XPO5: variants seen among roughly 807,000 people sequenced by gnomAD.
XPO5 encodes the protein exportin 5, also known as exportin-5.
XPO5 carries 46 observed loss-of-function variants against 160.6 expected under a neutral mutation model. That is an observed-to-expected ratio of 0.29 (90% CI 0.23 to 0.37). The LOEUF (loss-of-function observed/expected upper bound fraction) is 0.37, where lower values mean the gene tolerates loss of function less well. XPO5 is among the 10% of genes least tolerant of loss of function. The pLI is 1.00. For missense variants in XPO5, 1,090 were observed against 1,463.9 expected (o/e 0.74, Z 4.17); for synonymous variants, 537 against 519.3 (o/e 1.03, Z -0.46).
intron 7 of XPO5, among the ~76,000 whole-genome samples, chr6:43,566,862 T>G (rs1407847291): frequency 1.4e-5 from 2 of 144,956 alleles, no homozygotes; most frequent in Non-Finnish European, 3.0e-5. Context: ...GTAGCCACCA[T>G]CCAAGATTCC....
intron 1 of XPO5, among the ~76,000 whole-genome samples, chr6:43,574,936 T>C (rs191290967): frequency 6.6e-6 from 1 of 152,320 alleles, no homozygotes; most frequent in East Asian, 1.9e-4. Flanking sequence ...TTTTTTGAAG[T>C]TAACATCACT....
chr6:43,561,076 A>G, intron 9 of XPO5, 69 bp from the exon 10 acceptor site: 3 of 1,264,564 alleles, frequency 2.4e-6, no homozygotes, highest in Non-Finnish European at 3.4e-6. Flanking sequence ...GCAGGGAAGT[A>G]ATAAAAACAG....
intron 20 of XPO5, among the ~76,000 whole-genome samples, chr6:43,546,163 T>C (rs1794955012): frequency 6.6e-6 from 1 of 152,192 alleles, no homozygotes; most frequent in Non-Finnish European, 1.5e-5. Context: ...TCAGTATTGA[T>C]AAATTCAGAT....
Position 43,573,451 on chromosome 6 carries a change from T to C in XPO5, c.227+29A>G, listed in dbSNP as rs1251307468. 5 of 1,611,492 alleles carry C rather than the reference T, an allele frequency of 3.1e-6. No individual in the cohort carries two copies. The South Asian group carries it at 5.5e-5, about 18-fold the overall frequency. ...GATATAAAGATCTGTTCTCTCAGACTTCAGTGGTAATGTCCAAGAGCTCCT... is the reference window on the plus strand; with the variant it reads ...GATATAAAGATCTGTTCTCTCAGACCTCAGTGGTAATGTCCAAGAGCTCCT... On this transcript the variant is annotated intron_variant, in intron 2 of 31. Transcript: ENST00000265351.
chr6:43,565,566 A>G (rs1762655291), intron 8 of XPO5, 94 bp downstream of exon 8: 1 of 1,193,662 alleles, frequency 8.4e-7, no homozygotes. Flanking sequence ...TCCATCTCAA[A>G]ATAAAAAAAA....
chr6:43,536,756 T>C (rs1452631647), intron 20 of XPO5, among the ~76,000 whole-genome samples: 2 of 53,528 alleles, frequency 3.7e-5, no homozygotes, highest in Non-Finnish European at 5.6e-5. Flanking sequence ...TGAGACTCTA[T>C]CTAAAAAAAA....
chr6:43,525,729 A>G, intron 28 of XPO5, 110 bp downstream of exon 28: 7 of 1,153,786 alleles, frequency 6.1e-6, no homozygotes, highest in Non-Finnish European at 8.5e-6. Context: ...GAACTTATGT[A>G]ACAAAGGAGT....
Position 43,538,923 on chromosome 6 carries a change from A to G in XPO5, c.2343-4916T>C, listed in dbSNP as rs929286045. On this transcript the variant is annotated intron_variant, in intron 20 of 31. Coordinates refer to ENST00000265351, the MANE Select transcript of XPO5 (RefSeq NM_020750.3). ...AATTCCTGATAGGGAGACTTGGTAA[A>G]TACAGTCTCCTTCCAGAGGTCGGGG... The G allele has an allele frequency of 5.6e-6, 7 of 1,244,860 alleles. No homozygotes were observed. The African/African-American group carries it at 8.9e-5, about 16-fold the overall frequency. 77.1% of individuals were successfully genotyped at this position (1,244,860 alleles called of 1,614,324 possible).
At position 43,549,575 on chromosome 6, in the gene XPO5, G is replaced by C; in HGVS notation, c.1774C>G (p.Pro592Ala). 1 of 1,612,406 alleles carries C rather than the reference G, an allele frequency of 6.2e-7. No individual in the cohort carries two copies. Among genetic ancestry groups the C allele is most frequent in the South Asian group, 1.1e-5 (1 of 90,892 alleles). Residue 592 changes from proline to alanine, a missense_variant, in exon 17 of 32, where the codon CCC (proline) becomes GCC (alanine). Around this residue, in one of 3 missense-constraint regions of XPO5, gnomAD observed 810 missense variants for 1,139.0 expected, o/e 0.71. Coordinates refer to ENST00000265351, the MANE Select transcript of XPO5 (RefSeq NM_020750.3). Reference sequence around the variant, plus strand: ...ACATTCCTCACTGCCCGGGTTCTGGGGGCCTGAAAAGAGACATTCAACAAA... The same window carrying C: ...ACATTCCTCACTGCCCGGGTTCTGGCGGCCTGAAAAGAGACATTCAACAAA... ...TFETVEESKA[P>A]RTRAVRNVRR... is the part of the protein sequence containing the mutation.
At chr6:43,567,755 TAAA>T (rs1161783571) in intron 6 of XPO5, among the ~76,000 whole-genome samples, 1 of 150,562 alleles carries the variant, frequency 6.6e-6, no homozygotes, top group Non-Finnish European at 1.5e-5. Flanking sequence ...TAAAATAAAA[TAAA>T]AAAAATACCC....
At chr6:43,562,772 C>T (rs1193110856) in intron 8 of XPO5, among the ~76,000 whole-genome samples, 1 of 152,092 alleles carries the variant, frequency 6.6e-6, no homozygotes, top group Admixed American at 6.6e-5. Context: ...TGGTATGGCA[C>T]CCACAGCACA....
At chr6:43,525,300 T>G in intron 28 of XPO5, 86 bp from the exon 29 acceptor site, 5 of 1,331,774 alleles carry the variant, frequency 3.8e-6, no homozygotes, top group Non-Finnish European at 5.1e-6. Context: ...CCGGAGGGTT[T>G]TTTTTTTTTC....
chr6:43,530,108 T>C (rs1004761665), intron 23 of XPO5, among the ~76,000 whole-genome samples: 3 of 151,736 alleles, frequency 2.0e-5, no homozygotes, highest in African/African-American at 7.3e-5. Context: ...TACAAAAAAA[T>C]TAGCTGGGCG....
At chr6:43,538,139 C>CTTT (rs1160662301) in intron 20 of XPO5, among the ~76,000 whole-genome samples, 501 of 48,974 alleles carry the variant, frequency 0.01, 63 homozygotes, top group African/African-American at 0.033. Context: ...TAAGAGACAT[C>CTTT]TTTTTTTTTT....
At chr6:43,526,273 A>G in intron 27 of XPO5, 1 of 365,672 alleles carries the variant, frequency 2.7e-6, no homozygotes, top group East Asian at 5.1e-5. Flanking sequence ...GGGAGTTTAC[A>G]TTCTAACATG....
At position 43,575,965 on chromosome 6, in the gene XPO5, G is replaced by T; in HGVS notation, c.-101C>A. Reference sequence around the variant, plus strand: ...CCACCCGTTGGTACCGGGCCGCGGCGGGCGGCGGGGGTGGGAAGCTGGAGG... The same window carrying T: ...CCACCCGTTGGTACCGGGCCGCGGCTGGCGGCGGGGGTGGGAAGCTGGAGG... On this transcript the variant is annotated 5_prime_UTR_variant, in exon 1 of 32. Coordinates refer to ENST00000265351, the MANE Select transcript of XPO5 (RefSeq NM_020750.3). 8.4e-7 allele frequency: 1 copy of T among 1,187,248 alleles called. No homozygotes were observed. Among genetic ancestry groups the T allele is most frequent in the Non-Finnish European group, 1.2e-6 (1 of 831,594 alleles). The allele number at this position is 1,187,248 out of a possible 1,614,324, so 73.5% of individuals were successfully genotyped here.
chr6:43,570,694 T>C lies in XPO5; in HGVS notation c.439-10A>G, dbSNP rs754035408. 1.1e-5 allele frequency: 18 copies of C among 1,592,678 alleles called. No individual in the cohort carries two copies. Among genetic ancestry groups the C allele is most frequent in the East Asian group, 4.5e-5 (2 of 44,534 alleles). The stretch of plus-strand genomic sequence containing the variant: ...ATTCTGTCTGTGTTTCCTACACCAA[T>C]AGAAATAAGCTAGTTAAAAACTAAA... On this transcript the variant is annotated splice_polypyrimidine_tract_variant and intron_variant, in intron 4 of 31. Transcript: ENST00000265351.
chr6:43,552,950 A>T (rs1455375813), intron 14 of XPO5, among the ~76,000 whole-genome samples: 1 of 152,168 alleles, frequency 6.6e-6, no homozygotes, highest in Non-Finnish European at 1.5e-5. Context: ...GAACTTGAGT[A>T]TGCTATTTAG....
At chr6:43,525,760 G>A in intron 28 of XPO5, 79 bp downstream of exon 28, 1 of 1,445,932 alleles carries the variant, frequency 6.9e-7, no homozygotes, top group South Asian at 1.3e-5. Context: ...ACTCTTGATA[G>A]CACCATAGAG....
Sources: gnomAD v4.1 joint callset for allele counts (sites outside exome capture counted in the v4.1 genomes callset) on GRCh38, gnomAD v4.1.1 for gene constraint, gnomAD v4.1.1 regional missense constraint, MANE v1.5 for transcripts, NCBI Gene and HGNC (gene_info 2026-07-23, HGNC 2026-07-21) for gene names.